The following GBP1 variants were observed in gnomAD, a reference collection of about 807,000 sequenced individuals.
The protein encoded by GBP1 is guanylate binding protein 1.
In GBP1, 64 loss-of-function variants were observed where a neutral mutation model predicts 69.5. The ratio of observed to expected loss-of-function variants is 0.92; its 90% CI spans 0.75 to 1.13. GBP1 has a LOEUF of 1.13. Among genes scored for constraint, GBP1 ranks in the 50% most tolerant of loss-of-function variants. The pLI is 0.00. For missense variants in GBP1, 630 were observed against 704.1 expected (o/e 0.89, Z 1.19); for synonymous variants, 250 against 261.2 (o/e 0.96, Z 0.41).
intron 8 of GBP1, 129 bp from the exon 9 acceptor site, chr1:89,055,344 T>G: frequency 6.8e-7 from 1 of 1,478,154 alleles, no homozygotes; most frequent in Non-Finnish European, 9.0e-7. Flanking sequence ...GGTGGTCAAA[T>G]TCCCTGTCGG....
At position 89,056,150 on chromosome 1, in the gene GBP1, G is replaced by A; in HGVS notation, c.1234C>T (p.Gln412Ter). 1 of 1,613,958 alleles carries A rather than the reference G, an allele frequency of 6.2e-7. No individual in the cohort carries two copies. The highest frequency in any genetic ancestry group is 1.3e-5 in the African/African-American group (1 of 75,038). The change falls in exon 8 of 11, where the codon CAG (glutamine) becomes TAG (stop). Residue 412 changes from glutamine to a stop codon, truncating the protein, a stop_gained. Transcript: ENST00000370473. LOFTEE classifies it high-confidence loss of function. ...TCTTCTAGAGGACTGAAAATGACCT[G>A]AAGTAAAGCTGAGCAACGATCTGAT... ...ASSDRCSALL[Q>*]VIFSPLEEEV...
rs1680249622 is a variant in GBP1 at position 89,063,273 on chromosome 1, A to G, written c.-19-20T>C. ...CCTTGTCTGCAAGAGAAGAGGTGAA[A>G]TACATGAGAATTTCTAGTGTTTTGC... On this transcript the variant is annotated intron_variant, in intron 1 of 10. Coordinates refer to ENST00000370473, the MANE Select transcript of GBP1 (RefSeq NM_002053.3). 3 of 1,594,312 alleles carry G rather than the reference A, an allele frequency of 1.9e-6. No homozygotes were observed. The highest frequency in any genetic ancestry group is 2.6e-6 in the Non-Finnish European group (3 of 1,165,762).
intron 3 of GBP1, 36 bp from the exon 4 acceptor site, chr1:89,059,462 TTCA>T (rs780450906): frequency 1.2e-6 from 2 of 1,612,626 alleles, no homozygotes; most frequent in Non-Finnish European, 1.7e-6. Flanking sequence ...AGGAGCAAGT[TTCA>T]TCATCGCAGC....
chr1:89,059,078 A>C, intron 4 of GBP1, 35 bp from the exon 5 acceptor site: 1 of 1,613,494 alleles, frequency 6.2e-7, no homozygotes, highest in Admixed American at 1.7e-5. Flanking sequence ...GACAAAATGA[A>C]CAGGGACCTC....
intron 1 of GBP1, among the ~76,000 whole-genome samples, chr1:89,064,826 T>C (rs144699817): frequency 3.8e-4 from 58 of 152,308 alleles, no homozygotes; most frequent in African/African-American, 1.3e-3. Flanking sequence ...ATATCCCTAG[T>C]CAACATAGAT....
At chr1:89,059,274 G>A in intron 4 of GBP1, 43 bp downstream of exon 4, 1 of 1,613,992 alleles carries the variant, frequency 6.2e-7, no homozygotes, top group Non-Finnish European at 8.5e-7. Flanking sequence ...GAATACAGGT[G>A]TCCCCTCTGA....
chr1:89,055,755 C>T, intron 8 of GBP1: 1 of 533,816 alleles, frequency 1.9e-6, no homozygotes. Flanking sequence ...CAGGAAAAGC[C>T]CAGCTGTAAT....
At chr1:89,059,260 G>T (rs1005484855) in intron 4 of GBP1, 57 bp downstream of exon 4, 25 of 1,613,870 alleles carry the variant, frequency 1.5e-5, no homozygotes, top group African/African-American at 5.3e-5. Flanking sequence ...GGCAGCTGGT[G>T]TATGAATACA....
chr1:89,058,370 A>G (rs1255592524), intron 5 of GBP1, 136 bp from the exon 6 acceptor site: 37 of 768,234 alleles, frequency 4.8e-5, no homozygotes, highest in Non-Finnish European at 6.3e-6. Context: ...GAAGCATGAC[A>G]ACAGCTTTAG....
intron 1 of GBP1, among the ~76,000 whole-genome samples, chr1:89,064,238 TGTGAGAGAGAGA>T (rs1253981914): frequency 1.4e-3 from 156 of 112,848 alleles, no homozygotes; most frequent in Middle Eastern, 9.0e-3. Context: ...TGTGTGTGTG[TGTGAGAGAGAGA>T]GAGAGAGAGA....
At position 89,060,280 on chromosome 1, in the gene GBP1, A is replaced by C; in HGVS notation, c.235T>G (p.Trp79Gly). Residue 79 changes from tryptophan to glycine, a missense_variant, in exon 3 of 11, where the codon TGG becomes GGG. Around this residue, in one of 5 missense-constraint regions of GBP1, gnomAD observed 131 missense variants for 138.5 expected, o/e 0.95. Transcript: ENST00000370473. ...TTGGGGTGGGGCACACACCACATCC[A>C]GATTCCTTTAGTGTGAGACTGCACC... Reference protein sequence around the residue: ...STVQSHTKGIWMWCVPHPKKP... With the variant: ...STVQSHTKGIGMWCVPHPKKP... 2 of 1,603,472 alleles carry C rather than the reference A, an allele frequency of 1.2e-6. No homozygotes were observed. Among genetic ancestry groups the C allele is most frequent in the Non-Finnish European group, 1.7e-6 (2 of 1,175,658 alleles).
At chr1:89,057,923 C>A in intron 6 of GBP1, 69 bp downstream of exon 6, 1 of 1,450,748 alleles carries the variant, frequency 6.9e-7, no homozygotes, top group South Asian at 1.5e-5. Context: ...AATGCTGAAA[C>A]TAGGTGGAAG....
rs137909403 is a variant in GBP1, at chr1:89,053,397, G to A, written c.1737C>T (p.Leu579=). ...CCTTTCGTCGTCTCATTTTCGTCTGGAGATCCTGTATCTCATTTTTCATTA... is the reference window on the plus strand; with the variant it reads ...CCTTTCGTCGTCTCATTTTCGTCTGAAGATCCTGTATCTCATTTTTCATTA... The part of the protein sequence containing the change: ...SRIMKNEIQD[L]QTKMRRRKAC... Residue 579 remains leucine, a synonymous_variant, in exon 11 of 11, where the codon CTC becomes CTT. Transcript: ENST00000370473. 5 of 1,613,514 alleles carry A rather than the reference G, an allele frequency of 3.1e-6. No homozygotes were observed. In the Admixed American group the frequency reaches 6.7e-5, roughly 22 times the overall value.
intron 10 of GBP1, 43 bp from the exon 11 acceptor site, chr1:89,053,511 G>A: frequency 6.3e-7 from 1 of 1,584,394 alleles, no homozygotes; most frequent in Non-Finnish European, 8.5e-7. Context: ...GTAGCATCAG[G>A]CAAATTGAAA....
Position 89,053,230 on chromosome 1 carries a change from GC to G in GBP1, c.*124del, listed in dbSNP as rs1679962688. On this transcript the variant is annotated 3_prime_UTR_variant, in exon 11 of 11. Transcript: ENST00000370473. ...CATGATTTTGATCATTGTACCACATGCCTTTATAAACTTTTGGTGTTATGAT... is the reference window on the plus strand; with the variant it reads ...CATGATTTTGATCATTGTACCACATGCTTTATAAACTTTTGGTGTTATGAT... The G allele has an allele frequency of 6.7e-6, 4 of 597,290 alleles. No homozygotes were observed. 37.0% of individuals were successfully genotyped at this position (597,290 alleles called of 1,614,324 possible). A position where few individuals can be genotyped will look rare whatever the true frequency, so the allele number is the denominator to read the frequency against.
chr1:89,056,973 G>T lies in GBP1; in HGVS notation c.1036C>A (p.Pro346Thr). The part of the protein sequence containing the change: ...EQQMGQKVQL[P>T]TETLQELLDL... ...AGCAGCTCCTGGAGGGTTTCTGTGG[G>T]CAGCTGCACCTTCTGGCCCATCTGC... The change falls in exon 7 of 11, where the codon CCC becomes ACC. Residue 346 changes from proline to threonine, a missense_variant. By Grantham distance (38) the Pro-to-Thr change is conservative. Transcript: ENST00000370473. The T allele has an allele frequency of 1.9e-6, 3 of 1,614,168 alleles. No homozygotes were observed. The highest frequency in any genetic ancestry group is 2.5e-6 in the Non-Finnish European group (3 of 1,180,018).
At position 89,065,198 on chromosome 1, in the gene GBP1, A is replaced by G. The variant is rs749368723; in HGVS notation, c.-58T>C. ...CCTTAGTTCACGAGCACTGGCTTCT[A>G]GCACTTCTGTGTCTCTCACTGGATC... On this transcript the variant is annotated 5_prime_UTR_variant, in exon 1 of 11. Coordinates refer to ENST00000370473, the MANE Select transcript of GBP1 (RefSeq NM_002053.3). 4.6e-5 allele frequency: 7 copies of G among 152,228 alleles called. No homozygotes were observed. The highest frequency in any genetic ancestry group is 8.8e-5 in the Non-Finnish European group (6 of 68,036). The allele number at this position is 152,228 out of a possible 1,614,324, so 9.4% of individuals were successfully genotyped here. A position where few individuals can be genotyped will look rare whatever the true frequency, so the allele number is the denominator to read the frequency against.
At chr1:89,055,965 G>A in intron 8 of GBP1, 51 bp downstream of exon 8, 3 of 1,608,778 alleles carry the variant, frequency 1.9e-6, no homozygotes, top group East Asian at 2.2e-5. Context: ...CTTGGTGTTT[G>A]TAGGAGGCAG....
Position 89,058,837 on chromosome 1 carries a change from T to C in GBP1, c.631+4A>G. On this transcript the variant is annotated splice_donor_region_variant and intron_variant, in intron 5 of 10. Transcript: ENST00000370473. ...CTCATTTATCAGTTGAAGCTCTCTGTTACCTTTCTTCAGCTTCAGGGAGTA... is the reference window on the plus strand; with the variant it reads ...CTCATTTATCAGTTGAAGCTCTCTGCTACCTTTCTTCAGCTTCAGGGAGTA... The C allele has an allele frequency of 6.2e-7, 1 of 1,613,742 alleles. No homozygotes were observed. The highest frequency in any genetic ancestry group is 8.5e-7 in the Non-Finnish European group (1 of 1,179,610).
Sources: gnomAD v4.1 joint callset for allele counts (sites outside exome capture counted in the v4.1 genomes callset) on GRCh38, gnomAD v4.1.1 for gene constraint, gnomAD v4.1.1 regional missense constraint, MANE v1.5 for transcripts, NCBI Gene and HGNC (gene_info 2026-07-23, HGNC 2026-07-21) for gene names.